TRPC1: variants seen among roughly 807,000 people sequenced by gnomAD.
The protein encoded by TRPC1 is short transient receptor potential channel 1.
In TRPC1, 42 loss-of-function variants were observed where a neutral mutation model predicts 88.2. The observed-to-expected ratio is 0.48, with a 90% CI of 0.37 to 0.62. The LOEUF is 0.62. Ranked by LOEUF, TRPC1 falls within the 20% of genes least tolerant of loss-of-function variation. The pLI is 0.00. For missense variants in TRPC1, 699 were observed against 957.3 expected (o/e 0.73, Z 3.56); for synonymous variants, 288 against 331.8 (o/e 0.87, Z 1.43).
Position 142,724,397 on chromosome 3 carries a change from A to AG in TRPC1, c.-159dup, listed in dbSNP as rs1014714690. On this transcript the variant is annotated 5_prime_UTR_variant, in exon 1 of 13. Coordinates refer to ENST00000476941, the MANE Select transcript of TRPC1 (RefSeq NM_001251845.2). This position sits in a 1 kb window ranked among gnomAD's most constrained non-coding sequence, Gnocchi z 5.6. ...CAGTGGAGGGCGAGTGCTGGTTCTC[A>AG]GGGGAGGCGACGCCCTTCGGGGCCA... 3 of 571,596 alleles carry AG rather than the reference A, an allele frequency of 5.2e-6. No individual in the cohort carries two copies. The highest frequency in any genetic ancestry group is 8.5e-6 in the Non-Finnish European group (3 of 354,536). 35.4% of individuals were successfully genotyped at this position (571,596 alleles called of 1,614,324 possible). A position where few individuals can be genotyped will look rare whatever the true frequency, so the allele number is the denominator to read the frequency against.
At chr3:142,743,737 T>TG (rs1318758512) in intron 3 of TRPC1, among the ~76,000 whole-genome samples, 151 bp downstream of exon 3, 1 of 152,142 alleles carries the variant, frequency 6.6e-6, no homozygotes, top group Non-Finnish European at 1.5e-5. Context: ...AGTGGACACT[T>TG]GCAGGAATAA....
intron 4 of TRPC1, among the ~76,000 whole-genome samples, chr3:142,749,394 AT>A (rs1460877540): frequency 2.6e-5 from 4 of 152,330 alleles, no homozygotes; most frequent in East Asian, 1.9e-4. Flanking sequence ...TTATAAAAAA[AT>A]AGTTAACTAA....
chr3:142,780,145 G>C (rs1395832147), intron 5 of TRPC1, among the ~76,000 whole-genome samples: 1 of 152,098 alleles, frequency 6.6e-6, no homozygotes, highest in African/African-American at 2.4e-5. Context: ...ACCGCACCCA[G>C]CCGTAATTGA....
intron 7 of TRPC1, among the ~76,000 whole-genome samples, chr3:142,790,183 C>T (rs1936252599): frequency 6.6e-6 from 1 of 151,820 alleles, no homozygotes; most frequent in Non-Finnish European, 1.5e-5. Context: ...GAAGGAAGAG[C>T]CAGTATAAAG....
chr3:142,781,711 TAACTA>T (rs972141271), intron 6 of TRPC1, among the ~76,000 whole-genome samples: 23 of 152,262 alleles, frequency 1.5e-4, no homozygotes, highest in African/African-American at 5.5e-4. Flanking sequence ...TTGAGATAAT[TAACTA>T]AACAGTGATA....
At chr3:142,790,198 T>G (rs530923997) in intron 7 of TRPC1, among the ~76,000 whole-genome samples, 1 of 151,954 alleles carries the variant, frequency 6.6e-6, no homozygotes, top group East Asian at 1.9e-4. Flanking sequence ...ATAAAGGCCC[T>G]AAAGGCAGGA....
In TRPC1 at chr3:142,781,003, C is replaced by T. The variant is rs1302122931; in HGVS notation, c.934C>T (p.Leu312Phe). The change falls in exon 6 of 13, where the codon CTT becomes TTT. Residue 312 changes from leucine to phenylalanine, a missense_variant. Physicochemically the swap from Leu to Phe is conservative, Grantham distance 22. Transcript: ENST00000476941. ...AAGAATGAATTTAAGTCGTCTAAAA[C>T]TTGCTATCAAATATAACCAGAAAGA... ...EERMNLSRLK[L>F]AIKYNQKEFV... 2 of 1,612,314 alleles carry T rather than the reference C, an allele frequency of 1.2e-6. No individual in the cohort carries two copies. Among genetic ancestry groups the T allele is most frequent in the Non-Finnish European group, 8.5e-7 (1 of 1,179,348 alleles).
chr3:142,803,911 A>T (rs56239979), intron 10 of TRPC1, 66 bp from the exon 11 acceptor site: 196,533 of 1,473,286 alleles, frequency 0.13, 14,005 homozygotes, highest in Non-Finnish European at 0.15. Context: ...TTTGATATAA[A>T]CAAATGATTC....
chr3:142,789,980 C>T (rs537167801), intron 7 of TRPC1, among the ~76,000 whole-genome samples: 1 of 152,128 alleles, frequency 6.6e-6, no homozygotes, highest in South Asian at 2.1e-4. Context: ...AAATTATATT[C>T]AGTGTTAGAA....
In TRPC1 at chr3:142,792,750, A is replaced by C. The variant is rs1201266633; in HGVS notation, c.1438-74A>C. 4.2e-6 allele frequency: 6 copies of C among 1,413,350 alleles called. No homozygotes were observed. The East Asian group carries it at 1.5e-4, about 36-fold the overall frequency. The allele number at this position is 1,413,350 out of a possible 1,614,324, so 87.6% of individuals were successfully genotyped here. A position where few individuals can be genotyped will look rare whatever the true frequency, so the allele number is the denominator to read the frequency against. ...AAAATTAAAATGGCTTTCTTTCAAC[A>C]GTCAGAATATTTGCTTTTATTTTCC... On this transcript the variant is annotated intron_variant, in intron 8 of 12. Coordinates refer to ENST00000476941, the MANE Select transcript of TRPC1 (RefSeq NM_001251845.2). The surrounding 1 kb of genome is among the most constrained non-coding windows in gnomAD (Gnocchi z 4.0).
chr3:142,797,174 T>TG (rs1936479401), intron 9 of TRPC1, among the ~76,000 whole-genome samples: 1 of 145,318 alleles, frequency 6.9e-6, no homozygotes, highest in Non-Finnish European at 1.5e-5. Flanking sequence ...GAAAAAAGGT[T>TG]GTTTTTTTTT....
In TRPC1 at chr3:142,792,712, C is replaced by G. The variant is rs1283182688; in HGVS notation, c.1438-112C>G. On this transcript the variant is annotated intron_variant, in intron 8 of 12. Coordinates refer to ENST00000476941, the MANE Select transcript of TRPC1 (RefSeq NM_001251845.2). The surrounding 1 kb of genome is among the most constrained non-coding windows in gnomAD (Gnocchi z 4.0). ...CCCTATAAAACATAAGTGGAGATCCCCTATAAGAAGACAAAATTAAAATGG... is the reference window on the plus strand; with the variant it reads ...CCCTATAAAACATAAGTGGAGATCCGCTATAAGAAGACAAAATTAAAATGG... 4 of 1,024,478 alleles carry G rather than the reference C, an allele frequency of 3.9e-6. No individual in the cohort carries two copies. In the African/African-American group the frequency reaches 6.7e-5, roughly 17 times the overall value. 63.5% of individuals were successfully genotyped at this position (1,024,478 alleles called of 1,614,324 possible).
intron 9 of TRPC1, among the ~76,000 whole-genome samples, chr3:142,796,764 G>A (rs1936466413): frequency 6.6e-6 from 1 of 152,118 alleles, no homozygotes; most frequent in Non-Finnish European, 1.5e-5. Flanking sequence ...TTTGAGGGCA[G>A]TTACTGGTAC....
At chr3:142,747,292 A>G (rs1434731333) in intron 3 of TRPC1, among the ~76,000 whole-genome samples, 29 of 152,202 alleles carry the variant, frequency 1.9e-4, no homozygotes, top group Admixed American at 1.9e-3. Context: ...CTGATTTTCT[A>G]CATTTTCAGA....
chr3:142,761,332 T>C (rs963897047), intron 4 of TRPC1, among the ~76,000 whole-genome samples: 6 of 152,300 alleles, frequency 3.9e-5, no homozygotes, highest in East Asian at 1.9e-4. Context: ...AATAATCATA[T>C]GGTTTTTGTT....
intron 9 of TRPC1, among the ~76,000 whole-genome samples, chr3:142,795,676 A>T (rs1407209814): frequency 6.6e-6 from 1 of 152,094 alleles, no homozygotes; most frequent in East Asian, 1.9e-4. Flanking sequence ...CAAAAGCTAA[A>T]AGAATACATC....
chr3:142,782,218 G>A (rs993358707), intron 6 of TRPC1, among the ~76,000 whole-genome samples: 1 of 152,122 alleles, frequency 6.6e-6, no homozygotes, highest in Admixed American at 6.6e-5. Context: ...CTATATCCCT[G>A]AAGGACTCAC....
chr3:142,732,838 T>G lies in TRPC1; in HGVS notation c.173-3541T>G, dbSNP rs186972707. ...TTATAAAATGAATGGCATTTATATATTTGTCTGTCATACACAGGCATTTTG... is the reference window on the plus strand; with the variant it reads ...TTATAAAATGAATGGCATTTATATAGTTGTCTGTCATACACAGGCATTTTG... On this transcript the variant is annotated intron_variant, in intron 1 of 12. Coordinates refer to ENST00000476941, the MANE Select transcript of TRPC1 (RefSeq NM_001251845.2). Among the ~76,000 whole-genome samples, 500 of 152,346 alleles carry G rather than the reference T, an allele frequency of 3.3e-3. 11 individuals are homozygous for G. The highest frequency in any genetic ancestry group is 0.012 in the African/African-American group (486 of 41,584).
Position 142,806,358 on chromosome 3 carries a change from T to C in TRPC1, c.*123T>C. ...AAAGAATTATGTAAAAGCCATTCTT[T>C]AAAATATTTATAGCATAAATATATG... is the stretch of plus-strand genomic sequence containing the variant. On this transcript the variant is annotated 3_prime_UTR_variant, in exon 13 of 13. Coordinates refer to ENST00000476941, the MANE Select transcript of TRPC1 (RefSeq NM_001251845.2). 3.7e-6 allele frequency: 3 copies of C among 807,234 alleles called. No homozygotes were observed. Among genetic ancestry groups the C allele is most frequent in the Non-Finnish European group, 5.7e-6 (3 of 527,278 alleles). The allele number at this position is 807,234 out of a possible 1,614,324, so 50.0% of individuals were successfully genotyped here. A position where few individuals can be genotyped will look rare whatever the true frequency, so the allele number is the denominator to read the frequency against.
Sources: gnomAD v4.1 joint callset for allele counts (sites outside exome capture counted in the v4.1 genomes callset) on GRCh38, gnomAD v4.1.1 for gene constraint, Gnocchi (gnomAD v3.1) non-coding constraint, MANE v1.5 for transcripts, NCBI Gene and HGNC (gene_info 2026-07-23, HGNC 2026-07-21) for gene names.